LIAS: variants seen among roughly 807,000 people sequenced by gnomAD.
The protein encoded by LIAS is lipoyl synthase, mitochondrial.
Under a neutral mutation model 49.4 loss-of-function variants are expected in LIAS, and 36 were observed. That is an observed-to-expected ratio of 0.73 (90% CI 0.56 to 0.96). The LOEUF (loss-of-function observed/expected upper bound fraction) is 0.96. LIAS is among the 40% of genes least tolerant of loss of function. LIAS has a pLI of 0.00. For synonymous variants in LIAS, 145 were observed against 155.8 expected, an observed-to-expected ratio of 0.93 and a Z score of 0.52; for missense variants, 399 against 456.3, an observed-to-expected ratio of 0.87 and a Z score of 1.14.
chr4:39,460,711 C>T (rs1290764243), intron 1 of LIAS, 79 bp from the exon 2 acceptor site: 18 of 1,210,308 alleles, frequency 1.5e-5, no homozygotes, highest in Admixed American at 2.6e-5. Context: ...TTTACCCTTC[C>T]GTTTAGGTGT....
chr4:39,464,631 G>A (rs1336583938), intron 4 of LIAS, among the ~76,000 whole-genome samples: 1 of 152,048 alleles, frequency 6.6e-6, no homozygotes, highest in Non-Finnish European at 1.5e-5. Context: ...CTAAATACCT[G>A]AGGCTACAGG....
At chr4:39,467,471 A>G (rs370804422) in intron 6 of LIAS, 47 bp from the exon 7 acceptor site, 263 of 1,515,038 alleles carry the variant, frequency 1.7e-4, no homozygotes, top group Middle Eastern at 5.4e-4. Flanking sequence ...AGGAACAGGT[A>G]TGTCAGTTCT....
chr4:39,460,353 G>A (rs3775076), intron 1 of LIAS, among the ~76,000 whole-genome samples: 46,678 of 151,650 alleles, frequency 0.31, 8,041 homozygotes, highest in South Asian at 0.46. Context: ...CTAACATGGT[G>A]AAACCCTGTC....
chr4:39,460,838 C>T lies in LIAS; in HGVS notation c.94C>T (p.Pro32Ser). 1 of 1,604,788 alleles carries T rather than the reference C, an allele frequency of 6.2e-7. No homozygotes were observed. Among genetic ancestry groups the T allele is most frequent in the Non-Finnish European group, 8.5e-7 (1 of 1,177,006 alleles). Reference sequence around the variant, plus strand: ...CCCAGTCAGACCGTTAAGCTCCTTGCCAGATAAAAAAAAGGAACTCCTACA... The same window carrying T: ...CCCAGTCAGACCGTTAAGCTCCTTGTCAGATAAAAAAAAGGAACTCCTACA... ...CSPVRPLSSLPDKKKELLQNG... is the reference protein window; with the variant it reads ...CSPVRPLSSLSDKKKELLQNG... The change falls in exon 2 of 11, where the codon CCA (proline) becomes TCA (serine). Residue 32 changes from proline (P) to serine (S), a missense_variant. This residue lies in a region of LIAS where 159 missense variants were observed against 147.6 expected (regional missense o/e 1.08). Coordinates refer to ENST00000640888, the MANE Select transcript of LIAS (RefSeq NM_006859.4).
chr4:39,471,451 A>G, intron 9 of LIAS, 145 bp downstream of exon 9: 1 of 550,990 alleles, frequency 1.8e-6, no homozygotes, highest in South Asian at 2.6e-5. Context: ...CTCCTGCCTC[A>G]CCCTCCTGAG....
At position 39,465,266 on chromosome 4, in the gene LIAS, T is replaced by C. The variant is rs2109875645; in HGVS notation, c.551-19T>C. ...TAAATGATGACATCATCCTGAGCAG[T>C]GGATTCTTTTGTTTCTAGATATGCC... is the stretch of plus-strand genomic sequence containing the variant. On this transcript the variant is annotated intron_variant, in intron 5 of 10. Coordinates refer to ENST00000640888, the MANE Select transcript of LIAS (RefSeq NM_006859.4). The C allele has an allele frequency of 1.9e-6, 3 of 1,612,588 alleles. No individual in the cohort carries two copies. Among genetic ancestry groups the C allele is most frequent in the Non-Finnish European group, 2.5e-6 (3 of 1,179,520 alleles).
chr4:39,476,895 A>T (rs1745212287), intron 10 of LIAS, 168 bp from the exon 11 acceptor site: 1 of 565,502 alleles, frequency 1.8e-6, no homozygotes, highest in East Asian at 3.1e-5. Flanking sequence ...ATAATAGGGG[A>T]TATTTAGGTT....
At chr4:39,476,204 T>C (rs574878308) in intron 10 of LIAS, 16 of 152,280 alleles carry the variant, frequency 1.1e-4, no homozygotes, top group African/African-American at 3.8e-4. Flanking sequence ...AAAGATCAGA[T>C]TCTGGTATAT....
rs1322763382 is a variant in LIAS, at chr4:39,479,297, C to T, written c.*2182C>T. On this transcript the variant is annotated 3_prime_UTR_variant, in exon 11 of 11. Transcript: ENST00000640888. Reference sequence around the variant, plus strand: ...TTGGGAGGCCGAGGCAGGTGGATCACCTGAGGTCAGGAGTTTGAGACCAGC... The same window carrying T: ...TTGGGAGGCCGAGGCAGGTGGATCATCTGAGGTCAGGAGTTTGAGACCAGC... 1 of 151,716 alleles carries T rather than the reference C, an allele frequency of 6.6e-6. No individual in the cohort carries two copies. The highest frequency in any genetic ancestry group is 6.6e-5 in the Admixed American group (1 of 15,226). 9.4% of individuals were successfully genotyped at this position (151,716 alleles called of 1,614,324 possible).
At chr4:39,474,469 G>C (rs1745117083) in intron 10 of LIAS, among the ~76,000 whole-genome samples, 1 of 151,976 alleles carries the variant, frequency 6.6e-6, no homozygotes, top group African/African-American at 2.4e-5. Context: ...AGCTAGGCCA[G>C]GTGTGGTGGT....
intron 1 of LIAS, among the ~76,000 whole-genome samples, chr4:39,460,566 C>A (rs1229991064): frequency 6.7e-6 from 1 of 149,222 alleles, no homozygotes; most frequent in Non-Finnish European, 1.5e-5. Context: ...ATTTCCAAAT[C>A]TATTCTAAAC....
intron 10 of LIAS, among the ~76,000 whole-genome samples, chr4:39,474,570 A>C (rs563378598): frequency 6.6e-6 from 1 of 151,720 alleles, no homozygotes; most frequent in East Asian, 1.9e-4. Flanking sequence ...ACATTGTGAG[A>C]TCTCATCTCT....
intron 10 of LIAS, chr4:39,474,778 G>T (rs1438947232): frequency 6.6e-6 from 1 of 151,294 alleles, no homozygotes; most frequent in Non-Finnish European, 1.5e-5. Flanking sequence ...TGTATTTTTA[G>T]TAGAGACGGG....
chr4:39,471,166 C>T (rs79140300), intron 8 of LIAS, 70 bp from the exon 9 acceptor site: 41,978 of 1,180,788 alleles, frequency 0.036, 1,059 homozygotes, highest in Middle Eastern at 0.11. Flanking sequence ...TTAAATATTC[C>T]TTAGGAAAAT....
chr4:39,470,224 A>G, intron 8 of LIAS, 60 bp downstream of exon 8: 1 of 1,461,638 alleles, frequency 6.8e-7, no homozygotes, highest in Non-Finnish European at 9.3e-7. Context: ...GCAGGAACCC[A>G]CTCACTTTGA....
intron 6 of LIAS, chr4:39,466,974 C>G (rs1310694838): frequency 6.6e-6 from 1 of 152,104 alleles, no homozygotes; most frequent in African/African-American, 2.4e-5. Context: ...ATGTTTAGCT[C>G]GTACTTCGTT....
At chr4:39,469,917 T>C in intron 7 of LIAS, 102 bp from the exon 8 acceptor site, 2 of 1,043,114 alleles carry the variant, frequency 1.9e-6, no homozygotes, top group Non-Finnish European at 2.8e-6. Flanking sequence ...TGATTTAAGA[T>C]AATGTGCAGA....
chr4:39,478,829 CT>C lies in LIAS; in HGVS notation c.*1718del, dbSNP rs1300519093. ...CTTTTTCTGCATATCTAAAAGGACA[CT>C]TTTAGGTGGCCATGTTGTAAAATAT... On this transcript the variant is annotated 3_prime_UTR_variant, in exon 11 of 11. Coordinates refer to ENST00000640888, the MANE Select transcript of LIAS (RefSeq NM_006859.4). The C allele has an allele frequency of 6.6e-6, 1 of 152,214 alleles. No homozygotes were observed. Among genetic ancestry groups the C allele is most frequent in the Non-Finnish European group, 1.5e-5 (1 of 68,038 alleles). The allele number at this position is 152,214 out of a possible 1,614,324, so 9.4% of individuals were successfully genotyped here. A position where few individuals can be genotyped will look rare whatever the true frequency, so the allele number is the denominator to read the frequency against.
intron 7 of LIAS, 75 bp downstream of exon 7, chr4:39,467,721 G>T: frequency 7.6e-7 from 1 of 1,321,082 alleles, no homozygotes. Flanking sequence ...CTTTTCCAGG[G>T]CTGAACTTTG....
Sources: allele counts gnomAD v4.1 joint callset (sites outside exome capture counted in the v4.1 genomes callset), GRCh38; gene constraint gnomAD v4.1.1; regional missense constraint gnomAD v4.1.1; transcripts MANE v1.5; gene names NCBI Gene and HGNC (gene_info 2026-07-23, HGNC 2026-07-21).